Variants in LPP observed in about 807,000 individuals in gnomAD.
The protein encoded by LPP is lipoma-preferred partner.
A neutral mutation model predicts 60.4 loss-of-function variants in LPP; 38 were observed. The ratio of observed to expected loss-of-function variants is 0.63; its 90% confidence interval spans 0.49 to 0.83. The LOEUF (loss-of-function observed/expected upper bound fraction) is 0.83. Ranked by LOEUF, LPP falls within the 40% of genes least tolerant of loss-of-function variation. The probability of loss-of-function intolerance (pLI) is 0.00; values close to 1 mark genes in which losing one functional copy is unlikely to be tolerated. For missense variants in LPP, 902 were observed against 783.6 expected (o/e 1.15, Z -1.80); for synonymous variants, 328 against 290.8 (o/e 1.13, Z -1.30).
At chr3:188,701,944 CTTTTTTTTTT>C (rs35803152) in intron 7 of LPP, among the ~76,000 whole-genome samples, 2 of 83,550 alleles carry the variant, frequency 2.4e-5, no homozygotes, top group East Asian at 4.1e-4. Context: ...GTTTTTTTCC[CTTTTTTTTTT>C]TTTTTTTTTT....
chr3:188,603,446 G>T (rs1365335065), intron 6 of LPP, among the ~76,000 whole-genome samples: 1 of 151,682 alleles, frequency 6.6e-6, no homozygotes, highest in Non-Finnish European at 1.5e-5. Flanking sequence ...GCAGCCAGAT[G>T]ACCCAGGCTT....
chr3:188,597,866 C>T (rs994997261), intron 6 of LPP, among the ~76,000 whole-genome samples: 1 of 151,822 alleles, frequency 6.6e-6, no homozygotes, highest in African/African-American at 2.4e-5. Context: ...TTTGCTAGAC[C>T]CTAAGGATGG....
chr3:188,240,231 T>A (rs563574409), intron 2 of LPP: 1 of 176,370 alleles, frequency 5.7e-6, no homozygotes, highest in Admixed American at 6.3e-5. Flanking sequence ...AAAAATCCTT[T>A]TGGTATCAAA....
intron 9 of LPP, among the ~76,000 whole-genome samples, chr3:188,789,098 GT>G (rs60357875): frequency 1.5e-4 from 22 of 147,626 alleles, no homozygotes; most frequent in South Asian, 4.2e-4. Context: ...TTGTTGTTGG[GT>G]TTTTTTTTTA....
intron 2 of LPP, among the ~76,000 whole-genome samples, chr3:188,233,787 A>G (rs1720930029): frequency 6.6e-6 from 1 of 152,106 alleles, no homozygotes; most frequent in Non-Finnish European, 1.5e-5. Context: ...GTCAATTTTT[A>G]AAAATCAGCA....
intron 3 of LPP, among the ~76,000 whole-genome samples, chr3:188,357,197 C>T (rs754387399): frequency 6.6e-6 from 1 of 152,094 alleles, no homozygotes; most frequent in Non-Finnish European, 1.5e-5. Flanking sequence ...TAACAAAAAG[C>T]CTTCATGTAT....
At chr3:188,192,507 T>C (rs1030541409) in intron 1 of LPP, among the ~76,000 whole-genome samples, 2 of 152,346 alleles carry the variant, frequency 1.3e-5, no homozygotes, top group South Asian at 2.1e-4. Context: ...AAATAATAGC[T>C]ATCACATGCC....
At chr3:188,828,614 C>CAAAAAAAAAA (rs71169022) in intron 9 of LPP, among the ~76,000 whole-genome samples, 1,817 of 31,312 alleles carry the variant, frequency 0.058, 453 homozygotes, top group East Asian at 0.16. Context: ...AACTCTGTCT[C>CAAAAAAAAAA]AAAAAAAAAA....
chr3:188,777,432 A>G (rs569343924), intron 9 of LPP, among the ~76,000 whole-genome samples: 2 of 152,336 alleles, frequency 1.3e-5, no homozygotes, highest in Admixed American at 6.5e-5. Context: ...AAATTGCAAA[A>G]GAGAGAATCA....
intron 1 of LPP, among the ~76,000 whole-genome samples, chr3:188,184,049 C>T (rs910702201): frequency 1.3e-5 from 2 of 152,114 alleles, no homozygotes; most frequent in African/African-American, 4.8e-5. Flanking sequence ...ACCACGGTAC[C>T]TCCTTGTGGG....
chr3:188,409,371 T>A (rs1371886390), intron 4 of LPP, among the ~76,000 whole-genome samples: 1 of 152,222 alleles, frequency 6.6e-6, no homozygotes, highest in Non-Finnish European at 1.5e-5. Flanking sequence ...TCAGACTTTT[T>A]AAAATAGAAG....
chr3:188,734,213 T>G (rs1351471189), intron 8 of LPP, among the ~76,000 whole-genome samples: 1 of 152,232 alleles, frequency 6.6e-6, no homozygotes, highest in Admixed American at 6.5e-5. Flanking sequence ...CATTTGGATA[T>G]CTTTTAAAAT....
intron 1 of LPP, among the ~76,000 whole-genome samples, chr3:188,190,109 G>A (rs1727747075): frequency 6.7e-6 from 1 of 149,834 alleles, no homozygotes; most frequent in South Asian, 2.1e-4. Context: ...AGGCTGGAGT[G>A]CAGTGGCATG....
intron 6 of LPP, among the ~76,000 whole-genome samples, chr3:188,602,990 C>G (rs1291980951): frequency 1.3e-5 from 2 of 150,468 alleles, no homozygotes; most frequent in Non-Finnish European, 3.0e-5. Context: ...AGGTGACCTG[C>G]AGAAATTGTT....
At chr3:188,714,008 G>C (rs1212967669) in intron 8 of LPP, among the ~76,000 whole-genome samples, 2 of 152,150 alleles carry the variant, frequency 1.3e-5, no homozygotes, top group Non-Finnish European at 1.5e-5. Flanking sequence ...AGCTCCATAT[G>C]TTTAAAAAAC....
In LPP at chr3:188,484,630, T is replaced by C. The variant is rs770075395; in HGVS notation, c.232T>C (p.Ser78Pro). The C allele has an allele frequency of 1.2e-6, 2 of 1,614,086 alleles. No individual in the cohort carries two copies. The highest frequency in any genetic ancestry group is 1.7e-6 in the Non-Finnish European group (2 of 1,179,978). ...ACCCCCACCTCCACCTCTAGATGAT[T>C]CCAGTGCCCTTCCATCTATCTCTGG... ...LPPPPPPLDD[S>P]SALPSISGNF... The change falls in exon 5 of 12, where the codon TCC becomes CCC. Residue 78 changes from serine to proline, a missense_variant. By Grantham distance (74) the Ser-to-Pro change is moderately conservative (BLOSUM62 -1). Transcript: ENST00000617246.
At position 188,239,218 on chromosome 3, in the gene LPP, C is replaced by A. The variant is rs181652065; in HGVS notation, c.-67+13691C>A. On this transcript the variant is annotated intron_variant, in intron 2 of 11. Coordinates refer to ENST00000617246, the MANE Select transcript of LPP (RefSeq NM_001375462.1). ...AGGCACACCTGCAGGGATGCCTGGG[C>A]CCTGGGTGCAGATGGGCAATCGTAA... Among the ~76,000 whole-genome samples the A allele has an allele frequency of 3.0e-4, 46 of 152,272 alleles. No homozygotes were observed. The East Asian group carries it at 8.1e-3, about 27-fold the overall frequency.
At chr3:188,240,372 T>G (rs1175164766) in intron 2 of LPP, among the ~76,000 whole-genome samples, 1 of 146,812 alleles carries the variant, frequency 6.8e-6, no homozygotes, top group Admixed American at 6.7e-5. Context: ...TGTGTGTGTG[T>G]GTGTGAGAGA....
chr3:188,334,705 A>G lies in LPP; in HGVS notation c.-66-6958A>G, dbSNP rs1761163729. On this transcript the variant is annotated intron_variant, in intron 2 of 11. Transcript: ENST00000617246. ...TGGCCTCCCAAAGTGCTGGGATTATAGGCCTGAGCCACCATGCCCAGCCAA... is the reference window on the plus strand; with the variant it reads ...TGGCCTCCCAAAGTGCTGGGATTATGGGCCTGAGCCACCATGCCCAGCCAA... 2.6e-5 allele frequency among the ~76,000 whole-genome samples: 4 copies of G among 152,196 alleles called. No homozygotes were observed. The South Asian group carries it at 8.3e-4, about 31-fold the overall frequency.
Sources: gnomAD v4.1 joint callset for allele counts (sites outside exome capture counted in the v4.1 genomes callset) on GRCh38, gnomAD v4.1.1 for gene constraint, MANE v1.5 for transcripts, NCBI Gene and HGNC (gene_info 2026-07-23, HGNC 2026-07-21) for gene names.